Variants in DIMT1 observed in about 807,000 individuals in gnomAD.
DIMT1 encodes DIM1 rRNA methyltransferase and ribosome maturation factor.
In DIMT1, 36 loss-of-function variants were observed where a neutral mutation model predicts 43.2. That is an observed-to-expected ratio of 0.83 (90% CI 0.64 to 1.10). DIMT1 has a LOEUF of 1.10. DIMT1 is among the 50% of genes least tolerant of loss of function. The pLI is 0.00. For synonymous variants in DIMT1, 126 were observed against 130.3 expected (o/e 0.97, Z 0.22); for missense variants, 341 against 385.3 (o/e 0.88, Z 0.96).
Position 62,387,857 on chromosome 5 carries a change from T to C in DIMT1, c.*1153A>G, listed in dbSNP as rs1742111661. The C allele has an allele frequency of 1.3e-5, 2 of 152,114 alleles. No individual in the cohort carries two copies. Among genetic ancestry groups the C allele is most frequent in the Non-Finnish European group, 2.9e-5 (2 of 67,994 alleles). The allele number at this position is 152,114 out of a possible 1,614,324, so 9.4% of individuals were successfully genotyped here. Reference sequence around the variant, plus strand: ...GCATTATTTTAATTATGTAGTAACATTTACTATGACTTTGAAGCCAGATTT... The same window carrying C: ...GCATTATTTTAATTATGTAGTAACACTTACTATGACTTTGAAGCCAGATTT... On this transcript the variant is annotated 3_prime_UTR_variant, in exon 12 of 12. Coordinates refer to ENST00000199320, the MANE Select transcript of DIMT1 (RefSeq NM_014473.4).
intron 6 of DIMT1, among the ~76,000 whole-genome samples, chr5:62,397,366 G>A (rs1016810617): frequency 6.6e-6 from 1 of 152,134 alleles, no homozygotes; most frequent in Non-Finnish European, 1.5e-5. Context: ...AGAAAAGAGG[G>A]TATGACAGTT....
intron 6 of DIMT1, among the ~76,000 whole-genome samples, chr5:62,397,321 A>C (rs1742532891): frequency 6.6e-6 from 1 of 152,148 alleles, no homozygotes; most frequent in Admixed American, 6.6e-5. Flanking sequence ...ATTTGAGTAC[A>C]ATGTTTTTTG....
Position 62,387,670 on chromosome 5 carries a change from A to C in DIMT1, c.*1340T>G, listed in dbSNP as rs550809197. The C allele has an allele frequency of 7.2e-5, 11 of 152,332 alleles. No homozygotes were observed. The highest frequency in any genetic ancestry group is 3.4e-3 in the Middle Eastern group (1 of 294). The allele number at this position is 152,332 out of a possible 1,614,324, so 9.4% of individuals were successfully genotyped here. ...GAAATAACCTGAGAAAGCCGAGTTAAATCTTAAAATTTTTACTATAAGGAT... is the reference window on the plus strand; with the variant it reads ...GAAATAACCTGAGAAAGCCGAGTTACATCTTAAAATTTTTACTATAAGGAT... On this transcript the variant is annotated 3_prime_UTR_variant, in exon 12 of 12. Transcript: ENST00000199320.
chr5:62,393,870 CAAT>C (rs1742388961), intron 8 of DIMT1, 82 bp downstream of exon 8: 3 of 1,166,934 alleles, frequency 2.6e-6, no homozygotes, highest in African/African-American at 3.2e-5. Flanking sequence ...TAGGTTGATT[CAAT>C]ATTTTTCTGC....
chr5:62,399,360 G>A (rs1392568842), intron 3 of DIMT1, among the ~76,000 whole-genome samples: 1 of 152,166 alleles, frequency 6.6e-6, no homozygotes, highest in South Asian at 2.1e-4. Context: ...CAGCTACTCG[G>A]GAGGCTGAGG....
Position 62,392,202 on chromosome 5 carries a change from T to G in DIMT1, c.761A>C (p.Asn254Thr). ...ATGGACTGAACAGTGAATTCTGTAG[T>G]TTTTTTCCAAGAGTTGTTGCACTGC... ...SSAVQQLLEK[N>T]YRIHCSVHNI... Residue 254 changes from asparagine to threonine, a missense_variant, in exon 10 of 12, where the codon AAC (asparagine) becomes ACC (threonine). Asn to Thr is a moderately conservative substitution (Grantham distance 65). Transcript: ENST00000199320. The G allele has an allele frequency of 1.9e-6, 3 of 1,613,424 alleles. No individual in the cohort carries two copies. Among genetic ancestry groups the G allele is most frequent in the East Asian group, 2.2e-5 (1 of 44,794 alleles).
At chr5:62,390,199 C>T (rs1742238991) in intron 11 of DIMT1, among the ~76,000 whole-genome samples, 1 of 152,164 alleles carries the variant, frequency 6.6e-6, no homozygotes, top group African/African-American at 2.4e-5. Flanking sequence ...TGAAAGTTAA[C>T]ATCTTAATGA....
chr5:62,392,052 T>C (rs776415026), intron 10 of DIMT1, 119 bp downstream of exon 10: 8 of 1,579,804 alleles, frequency 5.1e-6, no homozygotes, highest in Non-Finnish European at 6.9e-6. Context: ...CATTATATAT[T>C]GTCTTTTAAG....
chr5:62,398,457 C>A, intron 6 of DIMT1, 54 bp downstream of exon 6: 1 of 1,582,104 alleles, frequency 6.3e-7, no homozygotes, highest in South Asian at 1.1e-5. Flanking sequence ...TGTTCACCAC[C>A]TGAACTGTAA....
intron 3 of DIMT1, 35 bp from the exon 4 acceptor site, chr5:62,398,916 T>C: frequency 6.8e-7 from 1 of 1,474,432 alleles, no homozygotes; most frequent in South Asian, 1.2e-5. Context: ...TTTAGGTTAA[T>C]TATGGAATAT....
intron 1 of DIMT1, 111 bp downstream of exon 1, chr5:62,403,583 G>A: frequency 7.6e-7 from 1 of 1,318,736 alleles, no homozygotes; most frequent in South Asian, 1.3e-5. Flanking sequence ...CGCGCTCACG[G>A]GAGCGCGTCC....
At chr5:62,393,913 CT>C (rs3215345) in intron 8 of DIMT1, 41 bp downstream of exon 8, 376,072 of 1,558,408 alleles carry the variant, frequency 0.24, 46,199 homozygotes, top group Middle Eastern at 0.27. Context: ...CCCGCCTGGA[CT>C]TTTTTTTCCT....
intron 6 of DIMT1, among the ~76,000 whole-genome samples, chr5:62,396,606 G>C (rs1420137584): frequency 2.6e-5 from 4 of 152,164 alleles, no homozygotes; most frequent in Non-Finnish European, 5.9e-5. Context: ...CGTCTGATGA[G>C]AGGAAGGAGT....
intron 10 of DIMT1, chr5:62,391,799 G>A: frequency 7.1e-7 from 1 of 1,406,170 alleles, no homozygotes. Flanking sequence ...ATGTGAGCAA[G>A]AAACAAGACG....
intron 6 of DIMT1, 116 bp downstream of exon 6, chr5:62,398,395 T>C (rs1742575913): frequency 1.0e-5 from 10 of 1,000,788 alleles, no homozygotes; most frequent in Middle Eastern, 2.4e-4. Context: ...ATCAACATTT[T>C]CTACAAAAAT....
intron 3 of DIMT1, among the ~76,000 whole-genome samples, chr5:62,400,487 A>C (rs1742660702): frequency 6.6e-6 from 1 of 152,126 alleles, no homozygotes; most frequent in African/African-American, 2.4e-5. Flanking sequence ...TCCTGGGCTC[A>C]AACAATCCTC....
At chr5:62,397,190 C>A (rs1419269369) in intron 6 of DIMT1, among the ~76,000 whole-genome samples, 1 of 152,034 alleles carries the variant, frequency 6.6e-6, no homozygotes, top group African/African-American at 2.4e-5. Context: ...GTGATCTGCC[C>A]GCCTCGGCCT....
Position 62,403,347 on chromosome 5 carries a change from C to G in DIMT1, c.80-1G>C. 6.2e-7 allele frequency: 1 copy of G among 1,613,638 alleles called. No individual in the cohort carries two copies. The highest frequency in any genetic ancestry group is 8.5e-7 in the Non-Finnish European group (1 of 1,179,662). On this transcript the variant is annotated splice_acceptor_variant, in intron 1 of 11. Transcript: ENST00000199320. LOFTEE classifies it high-confidence loss of function. ...CCAATCCCCGTGTTGAACATGAGTC[C>G]TGTAAGAAAATACGAAACAGCATTA...
At chr5:62,402,603 G>T (rs1742745903) in intron 2 of DIMT1, among the ~76,000 whole-genome samples, 2 of 152,210 alleles carry the variant, frequency 1.3e-5, no homozygotes, top group African/African-American at 4.8e-5. Flanking sequence ...TTCATCAGAT[G>T]CTCAAAGGAA....
Sources: gnomAD v4.1 joint callset for allele counts (sites outside exome capture counted in the v4.1 genomes callset) on GRCh38, gnomAD v4.1.1 for gene constraint, MANE v1.5 for transcripts, NCBI Gene and HGNC (gene_info 2026-07-23, HGNC 2026-07-21) for gene names.